The following MET variants were observed in gnomAD, a reference collection of about 807,000 sequenced individuals.
The protein encoded by MET is hepatocyte growth factor receptor.
Under a neutral mutation model 133.1 loss-of-function variants are expected in MET, and 48 were observed. The ratio of observed to expected loss-of-function variants is 0.36; its 90% CI spans 0.29 to 0.46. The LOEUF (loss-of-function observed/expected upper bound fraction) is 0.46, where lower values mean the gene tolerates loss of function less well. Ranked by LOEUF, MET falls within the 20% of genes least tolerant of loss-of-function variation. The pLI, the probability that MET is intolerant of heterozygous loss-of-function variation, is 1.00. For synonymous variants in MET, 628 were observed against 616.5 expected (o/e 1.02, Z -0.28); for missense variants, 1,442 against 1,695.9 (o/e 0.85, Z 2.63).
intron 2 of MET, among the ~76,000 whole-genome samples, chr7:116,705,188 C>G (rs563055217): frequency 6.6e-6 from 1 of 151,992 alleles, no homozygotes; most frequent in Admixed American, 6.6e-5. Flanking sequence ...TGAGTAAAAT[C>G]GAGTTACATT....
chr7:116,797,780 T>C lies in MET; in HGVS notation c.*1656T>C. On this transcript the variant is annotated 3_prime_UTR_variant, in exon 21 of 21. Transcript: ENST00000397752. ...AATTGCGATAAGGAAATGTACTGAT[T>C]GCCAATACACCCCACCCTCATTACA... The C allele has an allele frequency of 4.4e-6, 1 of 227,142 alleles. No individual in the cohort carries two copies. The highest frequency in any genetic ancestry group is 8.8e-6 in the Non-Finnish European group (1 of 114,176). The allele number at this position is 227,142 out of a possible 1,614,324, so 14.1% of individuals were successfully genotyped here. A position where few individuals can be genotyped will look rare whatever the true frequency, so the allele number is the denominator to read the frequency against.
chr7:116,727,026 G>A (rs990775058), intron 2 of MET, among the ~76,000 whole-genome samples: 1 of 152,176 alleles, frequency 6.6e-6, no homozygotes, highest in Non-Finnish European at 1.5e-5. Context: ...TGAAATTTCA[G>A]AGTTACCTAA....
chr7:116,730,008 A>G (rs1410268441), intron 2 of MET, among the ~76,000 whole-genome samples: 1 of 152,216 alleles, frequency 6.6e-6, no homozygotes, highest in Non-Finnish European at 1.5e-5. Context: ...CTTATAAATC[A>G]CGCAAGCAAA....
chr7:116,699,444 A>G lies in MET; in HGVS notation c.360A>G (p.Leu120=), dbSNP rs2116586848. 3.7e-6 allele frequency: 6 copies of G among 1,614,026 alleles called. No homozygotes were observed. The Middle Eastern group carries it at 6.6e-4, about 178-fold the overall frequency. Residue 120 remains leucine (L), a synonymous_variant, in exon 2 of 21, where the codon CTA becomes CTG. Coordinates refer to ENST00000397752, the MANE Select transcript of MET (RefSeq NM_000245.4). ...GVWKDNINMA[L]VVDTYYDDQL... Reference sequence around the variant, plus strand: ...GGAAAGATAACATCAACATGGCTCTAGTTGTCGACACCTACTATGATGATC... The same window carrying G: ...GGAAAGATAACATCAACATGGCTCTGGTTGTCGACACCTACTATGATGATC...
At chr7:116,678,159 G>C (rs1796227075) in intron 1 of MET, among the ~76,000 whole-genome samples, 1 of 152,174 alleles carries the variant, frequency 6.6e-6, no homozygotes, top group South Asian at 2.1e-4. Flanking sequence ...CTCACAGGTT[G>C]TGCACTAATT....
chr7:116,757,597 G>A (rs2116922241), intron 7 of MET, 41 bp from the exon 8 acceptor site: 2 of 1,613,456 alleles, frequency 1.2e-6, no homozygotes. Flanking sequence ...TAAATTATAA[G>A]ATGAACAAGT....
At chr7:116,689,427 G>C (rs954009308) in intron 1 of MET, among the ~76,000 whole-genome samples, 1 of 152,026 alleles carries the variant, frequency 6.6e-6, no homozygotes, top group Admixed American at 6.6e-5. Context: ...TGACGACTAG[G>C]ATTGTCATAT....
chr7:116,794,418 T>A (rs1051336410), intron 19 of MET, among the ~76,000 whole-genome samples: 3 of 152,216 alleles, frequency 2.0e-5, no homozygotes, highest in African/African-American at 7.2e-5. Context: ...TGTAGCTCCC[T>A]CCTGGCAAGG....
chr7:116,776,306 G>T (rs1241698955), intron 15 of MET, among the ~76,000 whole-genome samples: 2 of 152,220 alleles, frequency 1.3e-5, no homozygotes, highest in African/African-American at 4.8e-5. Flanking sequence ...TTCCCCAAGA[G>T]TGGCTTCACT....
intron 19 of MET, among the ~76,000 whole-genome samples, chr7:116,783,690 C>T (rs1256017810): frequency 6.6e-6 from 1 of 152,160 alleles, no homozygotes; most frequent in Non-Finnish European, 1.5e-5. Context: ...ATACCAGCTC[C>T]TTAGGAAGCC....
At chr7:116,747,086 A>G (rs893256157) in intron 5 of MET, among the ~76,000 whole-genome samples, 1 of 152,194 alleles carries the variant, frequency 6.6e-6, no homozygotes, top group Non-Finnish European at 1.5e-5. Flanking sequence ...AGTCAAGCAA[A>G]TGCTGAGAGA....
At chr7:116,759,636 T>C (rs1794319627) in intron 10 of MET, 146 bp downstream of exon 10, 1 of 910,946 alleles carries the variant, frequency 1.1e-6, no homozygotes, top group Non-Finnish European at 1.7e-6. Flanking sequence ...GTATTTTTTA[T>C]TTAATAACTG....
chr7:116,717,990 A>G (rs38855), intron 2 of MET, among the ~76,000 whole-genome samples: 61,967 of 152,092 alleles, frequency 0.41, 13,920 homozygotes, highest in East Asian at 0.58. Context: ...TTGATGTATC[A>G]CATCAAGGCT....
chr7:116,731,952 G>A lies in MET; in HGVS notation c.1392+93G>A. 9 of 1,235,242 alleles carry A rather than the reference G, an allele frequency of 7.3e-6. No individual in the cohort carries two copies. In the South Asian group the frequency reaches 1.0e-4, roughly 14 times the overall value. The allele number at this position is 1,235,242 out of a possible 1,614,324, so 76.5% of individuals were successfully genotyped here. A position where few individuals can be genotyped will look rare whatever the true frequency, so the allele number is the denominator to read the frequency against. Reference sequence around the variant, plus strand: ...TTGCAGTAAGGTATTTGCAAATACTGTAAAGTCCAAATCATAGTAGAAACT... The same window carrying A: ...TTGCAGTAAGGTATTTGCAAATACTATAAAGTCCAAATCATAGTAGAAACT... On this transcript the variant is annotated intron_variant, in intron 3 of 20. Coordinates refer to ENST00000397752, the MANE Select transcript of MET (RefSeq NM_000245.4).
rs530835127 is a variant in MET at position 116,687,242 on chromosome 7, G to A, written c.-14-11829G>A. Reference sequence around the variant, plus strand: ...TTACGTAAATGCAATCCTAAGCACAGTTGTTTTCAGGTTGTCCTAACCTTT... The same window carrying A: ...TTACGTAAATGCAATCCTAAGCACAATTGTTTTCAGGTTGTCCTAACCTTT... On this transcript the variant is annotated intron_variant, in intron 1 of 20. Coordinates refer to ENST00000397752, the MANE Select transcript of MET (RefSeq NM_000245.4). 3.4e-4 allele frequency among the ~76,000 whole-genome samples: 52 copies of A among 152,322 alleles called. 1 individual carries two copies. The highest frequency in any genetic ancestry group is 1.2e-3 in the African/African-American group (50 of 41,566).
At chr7:116,737,224 T>A (rs530424106) in intron 3 of MET, among the ~76,000 whole-genome samples, 1 of 152,334 alleles carries the variant, frequency 6.6e-6, no homozygotes, top group East Asian at 1.9e-4. Context: ...GCAACACTCA[T>A]GCTAACTCGT....
chr7:116,751,918 A>T (rs1218840974), intron 5 of MET, among the ~76,000 whole-genome samples: 7 of 151,980 alleles, frequency 4.6e-5, no homozygotes, highest in African/African-American at 1.7e-4. Flanking sequence ...AAAATTAGCT[A>T]GGCATGGTGG....
At chr7:116,791,539 T>C (rs551379728) in intron 19 of MET, among the ~76,000 whole-genome samples, 3 of 152,322 alleles carry the variant, frequency 2.0e-5, no homozygotes, top group South Asian at 2.1e-4. Context: ...TATTTTTAAG[T>C]ATTTATTAAT....
chr7:116,674,363 A>G (rs1796079419), intron 1 of MET, among the ~76,000 whole-genome samples: 1 of 152,190 alleles, frequency 6.6e-6, no homozygotes, highest in African/African-American at 2.4e-5. Context: ...AGAAATACCC[A>G]TATTTTATAA....
Sources: allele counts gnomAD v4.1 joint callset (sites outside exome capture counted in the v4.1 genomes callset), GRCh38; gene constraint gnomAD v4.1.1; transcripts MANE v1.5; gene names NCBI Gene and HGNC (gene_info 2026-07-23, HGNC 2026-07-21).